The following PTPRD variants were observed in gnomAD, a reference collection of about 807,000 sequenced individuals.
PTPRD encodes receptor-type tyrosine-protein phosphatase delta.
A neutral mutation model predicts 214.5 loss-of-function variants in PTPRD; 34 were observed. The observed-to-expected ratio is 0.16, with a 90% CI of 0.12 to 0.21. The LOEUF is 0.21. Among genes scored for constraint, PTPRD ranks in the 10% least tolerant of loss-of-function variants. The pLI is 1.00. For missense variants in PTPRD, 2,545 were observed against 2,398.7 expected (o/e 1.06, Z -1.27); for synonymous variants, 1,128 against 845.7 (o/e 1.33, Z -5.79).
intron 9 of PTPRD, among the ~76,000 whole-genome samples, chr9:9,366,398 G>C (rs2057900983): frequency 6.6e-6 from 1 of 151,342 alleles, no homozygotes; most frequent in South Asian, 2.1e-4. Flanking sequence ...GGTCACCTGT[G>C]GACAGCAAAT....
At chr9:9,398,228 G>T (rs1326746161) in intron 8 of PTPRD, among the ~76,000 whole-genome samples, 1 of 151,768 alleles carries the variant, frequency 6.6e-6, no homozygotes, top group Non-Finnish European at 1.5e-5. Context: ...TTCAATAGAG[G>T]TTGTCTTGAC....
intron 9 of PTPRD, among the ~76,000 whole-genome samples, chr9:9,376,669 G>GA (rs1373226511): frequency 2.6e-5 from 4 of 151,746 alleles, no homozygotes; most frequent in African/African-American, 9.7e-5. Context: ...GTCTTAAAAG[G>GA]AAAAAAACAT....
At chr9:10,275,395 T>C (rs1454321355) in intron 3 of PTPRD, among the ~76,000 whole-genome samples, 4 of 152,016 alleles carry the variant, frequency 2.6e-5, no homozygotes, top group African/African-American at 7.2e-5. Flanking sequence ...ATTTCAGCCT[T>C]GGTCAATAAG....
chr9:8,360,351 T>C (rs1327230114), intron 39 of PTPRD, among the ~76,000 whole-genome samples: 6 of 152,240 alleles, frequency 3.9e-5, no homozygotes, highest in Non-Finnish European at 7.3e-5. Context: ...TGCTAATCAT[T>C]GGTCATACTC....
At chr9:8,330,127 G>GGGAAATCCCCTGACCCCTTGTGCTTCC (rs1303704824) in intron 44 of PTPRD, among the ~76,000 whole-genome samples, 11 of 152,078 alleles carry the variant, frequency 7.2e-5, no homozygotes, top group Non-Finnish European at 1.3e-4. Context: ...GGCTAGGAAA[G>GGGAAATCCCCTGACCCCTTGTGCTTCC]GGAAATCCCC....
intron 5 of PTPRD, among the ~76,000 whole-genome samples, chr9:9,808,180 A>T (rs998124318): frequency 6.6e-6 from 1 of 152,164 alleles, no homozygotes; most frequent in Non-Finnish European, 1.5e-5. Context: ...CATAACTATT[A>T]TGTTTTATAG....
chr9:8,551,744 T>A (rs1356254080), intron 14 of PTPRD, among the ~76,000 whole-genome samples: 1 of 152,292 alleles, frequency 6.6e-6, no homozygotes, highest in South Asian at 2.1e-4. Context: ...TTTCCAAACA[T>A]AATGAAGAAA....
At chr9:10,307,973 C>T (rs535961528) in intron 3 of PTPRD, among the ~76,000 whole-genome samples, 28 of 151,902 alleles carry the variant, frequency 1.8e-4, no homozygotes, top group African/African-American at 1.2e-4. Context: ...TAGTTCCTTA[C>T]AGGATGAATA....
At chr9:10,536,159 G>A (rs1203547180) in intron 2 of PTPRD, among the ~76,000 whole-genome samples, 1 of 152,054 alleles carries the variant, frequency 6.6e-6, no homozygotes, top group East Asian at 1.9e-4. Context: ...CAAGGAATAT[G>A]TCTGCTTAAG....
chr9:8,907,392 C>A (rs1367376490), intron 11 of PTPRD, among the ~76,000 whole-genome samples: 2 of 151,384 alleles, frequency 1.3e-5, no homozygotes, highest in Non-Finnish European at 2.9e-5. Context: ...GTGGTGGTCA[C>A]CTGTAATCCC....
At chr9:9,841,397 T>A (rs2058301566) in intron 5 of PTPRD, among the ~76,000 whole-genome samples, 1 of 152,120 alleles carries the variant, frequency 6.6e-6, no homozygotes, top group Non-Finnish European at 1.5e-5. Context: ...GTTCCTGATG[T>A]TAAAATAAGC....
intron 7 of PTPRD, among the ~76,000 whole-genome samples, chr9:9,731,550 G>A (rs2211133): frequency 0.22 from 33,396 of 151,904 alleles, 4,550 homozygotes; most frequent in Non-Finnish European, 0.29. Flanking sequence ...ATGTTGGTAT[G>A]CTGCACCCAT....
At chr9:8,372,237 C>T (rs1272720085) in intron 39 of PTPRD, among the ~76,000 whole-genome samples, 1 of 151,844 alleles carries the variant, frequency 6.6e-6, no homozygotes, top group Non-Finnish European at 1.5e-5. Flanking sequence ...AAATGGATGG[C>T]TCAGGTTACG....
chr9:8,778,222 G>A (rs949063015), intron 11 of PTPRD, among the ~76,000 whole-genome samples: 3 of 152,136 alleles, frequency 2.0e-5, no homozygotes, highest in African/African-American at 4.8e-5. Flanking sequence ...TAAACTGATT[G>A]GCAAATTATA....
intron 9 of PTPRD, among the ~76,000 whole-genome samples, chr9:9,279,426 G>C (rs1376787532): frequency 6.7e-6 from 1 of 149,270 alleles, no homozygotes; most frequent in Non-Finnish European, 1.5e-5. Flanking sequence ...CGGTGCTACT[G>C]GTATGATGCT....
intron 10 of PTPRD, among the ~76,000 whole-genome samples, chr9:9,176,865 C>A (rs977011875): frequency 6.6e-6 from 1 of 151,968 alleles, no homozygotes; most frequent in East Asian, 1.9e-4. Context: ...ATTACTCATG[C>A]GGGGGTATTG....
At chr9:9,786,444 A>C (rs998119292) in intron 5 of PTPRD, among the ~76,000 whole-genome samples, 2 of 152,260 alleles carry the variant, frequency 1.3e-5, no homozygotes, top group Admixed American at 1.3e-4. Context: ...TCATATAAGC[A>C]TAAGAGTAAA....
intron 11 of PTPRD, among the ~76,000 whole-genome samples, chr9:8,845,967 A>G (rs2097687232): frequency 1.3e-5 from 2 of 152,218 alleles, no homozygotes; most frequent in South Asian, 2.1e-4. Flanking sequence ...ACGAAAACAA[A>G]TAAGAACTAT....
intron 11 of PTPRD, among the ~76,000 whole-genome samples, chr9:8,773,625 G>A (rs980875547): frequency 2.6e-5 from 4 of 152,138 alleles, no homozygotes; most frequent in African/African-American, 9.7e-5. Flanking sequence ...ATCTGATAAT[G>A]TAAATCCCCT....
Sources: allele counts gnomAD v4.1 joint callset (sites outside exome capture counted in the v4.1 genomes callset), GRCh38; gene constraint gnomAD v4.1.1; transcripts MANE v1.5; gene names NCBI Gene and HGNC (gene_info 2026-07-23, HGNC 2026-07-21).